The following PHF21B variants were observed in gnomAD, a reference collection of about 807,000 sequenced individuals.
PHF21B encodes PHD finger protein 21B.
In PHF21B, 22 loss-of-function variants were observed where a neutral mutation model predicts 62.2. That is an observed-to-expected ratio of 0.35 (90% CI 0.25 to 0.51). The LOEUF is 0.51. Ranked by LOEUF, PHF21B falls within the 20% of genes least tolerant of loss-of-function variation. PHF21B has a pLI of 0.97. For synonymous variants in PHF21B, 341 were observed against 314.7 expected (o/e 1.08, Z -0.88); for missense variants, 701 against 707.9 (o/e 0.99, Z 0.11).
chr22:44,970,290 T>A (rs567266872), intron 2 of PHF21B, among the ~76,000 whole-genome samples: 1 of 152,354 alleles, frequency 6.6e-6, no homozygotes, highest in East Asian at 1.9e-4. Context: ...CAGGGGGGAA[T>A]CTTTTCTGCA....
chr22:44,989,072 A>T (rs987388173), intron 2 of PHF21B: 14 of 152,194 alleles, frequency 9.2e-5, no homozygotes, highest in Admixed American at 3.3e-4. Context: ...GTGAGGTTTC[A>T]AGGTATGTAC....
intron 2 of PHF21B, among the ~76,000 whole-genome samples, chr22:44,961,239 G>A (rs2072414016): frequency 6.6e-6 from 1 of 152,094 alleles, no homozygotes; most frequent in African/African-American, 2.4e-5. Flanking sequence ...ACAGGCATGA[G>A]CCACCGTGCC....
chr22:45,006,515 T>C (rs549202842), intron 2 of PHF21B, among the ~76,000 whole-genome samples: 1 of 152,318 alleles, frequency 6.6e-6, no homozygotes, highest in East Asian at 1.9e-4. Context: ...TTTTCAAATG[T>C]TTCTTTCGGC....
At chr22:44,905,668 A>G (rs1299011857) in intron 5 of PHF21B, among the ~76,000 whole-genome samples, 1 of 152,084 alleles carries the variant, frequency 6.6e-6, no homozygotes, top group Non-Finnish European at 1.5e-5. Flanking sequence ...TCGCTCGGTC[A>G]CCCAGGCTGT....
intron 2 of PHF21B, among the ~76,000 whole-genome samples, chr22:44,931,251 A>C (rs2071735551): frequency 6.6e-6 from 1 of 152,136 alleles, no homozygotes; most frequent in South Asian, 2.1e-4. Context: ...CTGACTCCAG[A>C]ATGCTGCTCA....
In PHF21B at chr22:45,009,171, TCC is replaced by T. The variant is rs1472222373; in HGVS notation, c.54+323_54+324del. ...AGGCCGGAAGGGGGCCTATTCGCAC[TCC>T]CCTCCCCGGGACCGGCTCACGAAGG... On this transcript the variant is annotated intron_variant, in intron 1 of 12. Transcript: ENST00000313237. This position sits in a 1 kb window ranked among gnomAD's most constrained non-coding sequence, Gnocchi z 5.9. 1.6e-5 allele frequency: 7 copies of T among 446,046 alleles called. No homozygotes were observed. The highest frequency in any genetic ancestry group is 2.5e-5 in the Non-Finnish European group (7 of 284,072). 27.6% of individuals were successfully genotyped at this position (446,046 alleles called of 1,614,324 possible). A position where few individuals can be genotyped will look rare whatever the true frequency, so the allele number is the denominator to read the frequency against.
chr22:44,892,062 T>C (rs1180802780), intron 7 of PHF21B, among the ~76,000 whole-genome samples: 1 of 152,206 alleles, frequency 6.6e-6, no homozygotes, highest in Non-Finnish European at 1.5e-5. Context: ...ATGCCGTCTC[T>C]GGCCCTGGCC....
rs958990756 is a variant in PHF21B at position 44,896,213 on chromosome 22, C to T, written c.832-130G>A. 6.6e-6 allele frequency: 6 copies of T among 902,634 alleles called. No individual in the cohort carries two copies. The Admixed American group carries it at 7.2e-5, about 11-fold the overall frequency. The allele number at this position is 902,634 out of a possible 1,614,324, so 55.9% of individuals were successfully genotyped here. ...GCCCTAACCACAGAGGCCTCCAACT[C>T]CAGATGCCAAGTCAGTTTCTAAGAA... On this transcript the variant is annotated intron_variant, in intron 5 of 12. Transcript: ENST00000313237.
At chr22:44,895,961 A>G in intron 6 of PHF21B, 71 bp downstream of exon 6, 2 of 1,553,198 alleles carry the variant, frequency 1.3e-6, no homozygotes, top group South Asian at 1.1e-5. Flanking sequence ...CCATCATCAC[A>G]CCTGGCCCCC....
intron 2 of PHF21B, among the ~76,000 whole-genome samples, chr22:44,947,759 A>G (rs2072104490): frequency 1.3e-5 from 2 of 152,182 alleles, no homozygotes; most frequent in African/African-American, 4.8e-5. Flanking sequence ...GCTGATGACC[A>G]GGGTGTGGCC....
At position 44,885,449 on chromosome 22, in the gene PHF21B, G is replaced by T; in HGVS notation, c.1354C>A (p.Arg452=). 6.3e-7 allele frequency: 1 copy of T among 1,589,448 alleles called. No homozygotes were observed. The highest frequency in any genetic ancestry group is 2.0e-4 in the Middle Eastern group (1 of 4,946). Residue 452 remains arginine, a synonymous_variant, in exon 12 of 13, where the codon CGG becomes AGG. Transcript: ENST00000313237. ...NEHQQLEERD[R]RLASAVQKCL... is the part of the protein sequence containing the mutation. Reference sequence around the variant, plus strand: ...ACCTGCACTGCTGACGCCAGCCGCCGGTCCCGCTCCTCCAGCTGCTGGTGC... The same window carrying T: ...ACCTGCACTGCTGACGCCAGCCGCCTGTCCCGCTCCTCCAGCTGCTGGTGC...
intron 2 of PHF21B, among the ~76,000 whole-genome samples, chr22:44,944,192 G>A (rs1168898407): frequency 2.6e-5 from 4 of 152,228 alleles, no homozygotes; most frequent in African/African-American, 9.7e-5. Context: ...TATGGCGTGT[G>A]TTGTCAGGCT....
chr22:44,920,255 G>A (rs1601599652), intron 3 of PHF21B, 143 bp downstream of exon 3: 1 of 502,742 alleles, frequency 2.0e-6, no homozygotes, highest in African/African-American at 2.0e-5. Flanking sequence ...GGATAGAAGA[G>A]GTAAGAGGGG....
Position 44,883,279 on chromosome 22 carries a change from AG to A in PHF21B, c.1402del (p.Leu468CysfsTer19). 6.2e-7 allele frequency: 1 copy of A among 1,613,810 alleles called. No homozygotes were observed. The highest frequency in any genetic ancestry group is 8.5e-7 in the Non-Finnish European group (1 of 1,179,918). On this transcript the variant is annotated frameshift_variant, in exon 13 of 13. Transcript: ENST00000313237. LOFTEE classifies it high-confidence loss of function. ...CTGGGTGCCCCTCTGGCGGGCCAGC[AG>A]GCTTGTCTTCAACTCCAGGCATTTC... ...VQKCLELKTS[L>X]LARQRGTQSS...
Position 44,949,248 on chromosome 22 carries a change from C to A in PHF21B, c.121-28758G>T, listed in dbSNP as rs1206917124. Among the ~76,000 whole-genome samples, 7 of 148,996 alleles carry A rather than the reference C, an allele frequency of 4.7e-5. No homozygotes were observed. The South Asian group carries it at 1.1e-3, about 22-fold the overall frequency. On this transcript the variant is annotated intron_variant, in intron 2 of 12. Transcript: ENST00000313237. ...CCTGGGAGGCGGAGGTTGCGGTGAG[C>A]CAAGATCGTGCCATTGCACTTCAGC... is the stretch of plus-strand genomic sequence containing the variant.
intron 5 of PHF21B, among the ~76,000 whole-genome samples, chr22:44,911,884 C>CA (rs61203584): frequency 0.13 from 19,408 of 152,208 alleles, 1,625 homozygotes; most frequent in African/African-American, 0.24. Context: ...GGAAAAGCTG[C>CA]AGACACTCAA....
chr22:44,972,047 T>G (rs556092965), intron 2 of PHF21B, among the ~76,000 whole-genome samples: 38 of 152,322 alleles, frequency 2.5e-4, no homozygotes, highest in African/African-American at 9.1e-4. Context: ...CACTGAATGC[T>G]TTAGGGTGGG....
chr22:44,894,780 C>T (rs1056539405), intron 6 of PHF21B, among the ~76,000 whole-genome samples: 1 of 152,128 alleles, frequency 6.6e-6, no homozygotes, highest in African/African-American at 2.4e-5. Flanking sequence ...CAAGTCAGAC[C>T]CAGGGGACAT....
At chr22:44,898,337 C>T (rs924073345) in intron 5 of PHF21B, among the ~76,000 whole-genome samples, 1 of 152,108 alleles carries the variant, frequency 6.6e-6, no homozygotes, top group Admixed American at 6.6e-5. Flanking sequence ...AGGTAACACA[C>T]CTTCTCATCA....
Sources: allele counts gnomAD v4.1 joint callset (sites outside exome capture counted in the v4.1 genomes callset), GRCh38; gene constraint gnomAD v4.1.1; non-coding constraint Gnocchi (gnomAD v3.1); transcripts MANE v1.5; gene names NCBI Gene and HGNC (gene_info 2026-07-23, HGNC 2026-07-21).